The following DSCAM variants were observed in gnomAD, a reference collection of about 807,000 sequenced individuals.
DSCAM encodes DS cell adhesion molecule.
A neutral mutation model predicts 217.7 loss-of-function variants in DSCAM; 47 were observed. That is an observed-to-expected ratio of 0.22 (90% confidence interval 0.17 to 0.28). The LOEUF (loss-of-function observed/expected upper bound fraction) is 0.28. Among genes scored for constraint, DSCAM ranks in the 10% least tolerant of loss-of-function variants. The probability of loss-of-function intolerance (pLI) is 1.00; values close to 1 mark genes in which losing one functional copy is unlikely to be tolerated. For missense variants in DSCAM, 2,080 were observed against 2,618.3 expected (o/e 0.79, Z 4.49); for synonymous variants, 1,056 against 1,015.3 (o/e 1.04, Z -0.76).
At chr21:40,713,008 A>G (rs964412692) in intron 1 of DSCAM, among the ~76,000 whole-genome samples, 3 of 152,166 alleles carry the variant, frequency 2.0e-5, no homozygotes, top group African/African-American at 7.2e-5. Context: ...CCCCGATAAG[A>G]CCCTCTTTCT....
At chr21:40,240,402 T>TTCTAATG (rs2073136850) in intron 11 of DSCAM, among the ~76,000 whole-genome samples, 1 of 137,910 alleles carries the variant, frequency 7.3e-6, no homozygotes, top group Non-Finnish European at 1.6e-5. Context: ...ACTCTACCCA[T>TTCTAATG]TCTAATGTAT....
At position 40,312,281 on chromosome 21, in the gene DSCAM, G is replaced by A. The variant is rs778148335; in HGVS notation, c.1862C>T (p.Ser621Leu). ...QRVFIPCVVV[S>L]GDLPITITWQ... ...GGTGATCGTGATGGGTAAGTCCCCT[G>A]AGACCACAACACAGGGGATGAAGAC... is the stretch of plus-strand genomic sequence containing the variant. Residue 621 changes from serine (S) to leucine (L), a missense_variant, in exon 9 of 33, where the codon TCA becomes TTA. Transcript: ENST00000400454. 1.2e-6 allele frequency: 2 copies of A among 1,614,100 alleles called. No homozygotes were observed. Among genetic ancestry groups the A allele is most frequent in the South Asian group, 1.1e-5 (1 of 91,070 alleles).
chr21:40,374,821 C>T (rs2074933794), intron 3 of DSCAM, among the ~76,000 whole-genome samples: 1 of 152,142 alleles, frequency 6.6e-6, no homozygotes, highest in African/African-American at 2.4e-5. Context: ...GAAGGGAGCC[C>T]CCATCAGGCA....
chr21:40,614,194 T>C (rs1180836582), intron 3 of DSCAM, among the ~76,000 whole-genome samples: 1 of 152,274 alleles, frequency 6.6e-6, no homozygotes. Context: ...GATGCAGTCA[T>C]GGAAGTCATG....
chr21:40,399,143 G>A (rs528071724), intron 3 of DSCAM, among the ~76,000 whole-genome samples: 1 of 152,262 alleles, frequency 6.6e-6, no homozygotes, highest in East Asian at 1.9e-4. Context: ...GATGGCACAT[G>A]CCTGTGGTCT....
intron 3 of DSCAM, among the ~76,000 whole-genome samples, chr21:40,595,885 C>T (rs1442945725): frequency 1.3e-5 from 2 of 152,300 alleles, no homozygotes; most frequent in African/African-American, 2.4e-5. Context: ...CTGAATGAGA[C>T]GAAGTATCCT....
intron 3 of DSCAM, among the ~76,000 whole-genome samples, chr21:40,411,171 TATATACACACAC>T (rs2075319377): frequency 3.0e-5 from 1 of 33,404 alleles, no homozygotes; most frequent in Admixed American, 3.9e-4. Flanking sequence ...AGACAGTAAT[TATATACACACAC>T]ACACACACAC....
At position 40,062,901 on chromosome 21, in the gene DSCAM, T is replaced by TG. The variant is rs2146520204; in HGVS notation, c.4889-3dup. ...GCATTTCAGCTAAACTCTTTGCATC[T>TG]GGGGAAAGAAAGTTAACATTAGTAC... On this transcript the variant is annotated splice_region_variant and splice_polypyrimidine_tract_variant and intron_variant, in intron 27 of 32. Coordinates refer to ENST00000400454, the MANE Select transcript of DSCAM (RefSeq NM_001389.5). The TG allele has an allele frequency of 6.3e-7, 1 of 1,598,844 alleles. No homozygotes were observed. Among genetic ancestry groups the TG allele is most frequent in the East Asian group, 2.3e-5 (1 of 43,784 alleles).
intron 3 of DSCAM, among the ~76,000 whole-genome samples, chr21:40,608,332 C>G (rs956632996): frequency 6.6e-6 from 1 of 151,972 alleles, no homozygotes; most frequent in Non-Finnish European, 1.5e-5. Context: ...AGCAAAATAT[C>G]CTGTGATTAT....
intron 3 of DSCAM, among the ~76,000 whole-genome samples, chr21:40,488,275 G>A (rs1041065204): frequency 2.6e-5 from 4 of 152,168 alleles, no homozygotes; most frequent in East Asian, 1.9e-4. Flanking sequence ...TTCTGCTTCC[G>A]CAGCAAGGGC....
intron 2 of DSCAM, among the ~76,000 whole-genome samples, chr21:40,696,476 T>C (rs375297853): frequency 1.4e-4 from 21 of 152,270 alleles, no homozygotes; most frequent in African/African-American, 4.3e-4. Context: ...GATCCCCTGT[T>C]GTAGCTGTCT....
chr21:40,133,940 G>T lies in DSCAM; in HGVS notation c.3476C>A (p.Thr1159Asn). Reference sequence around the variant, plus strand: ...GGCCAGCACCTGGATGCTGTAGTTGGTGTACTTTTCCAGCCCGTCCAGCTC... The same window carrying T: ...GGCCAGCACCTGGATGCTGTAGTTGTTGTACTTTTCCAGCCCGTCCAGCTC... ...SLELDGLEKY[T>N]NYSIQVLAFT... is the part of the protein sequence containing the mutation. The change falls in exon 19 of 33, where the codon ACC becomes AAC. Residue 1159 changes from threonine to asparagine, a missense_variant. Thr to Asn is a moderately conservative substitution (Grantham distance 65, BLOSUM62 0). Coordinates refer to ENST00000400454, the MANE Select transcript of DSCAM (RefSeq NM_001389.5). 1 of 1,613,508 alleles carries T rather than the reference G, an allele frequency of 6.2e-7. No individual in the cohort carries two copies. The highest frequency in any genetic ancestry group is 8.5e-7 in the Non-Finnish European group (1 of 1,179,754).
chr21:40,458,216 C>G (rs919256676), intron 3 of DSCAM, among the ~76,000 whole-genome samples: 1 of 152,076 alleles, frequency 6.6e-6, no homozygotes, highest in Non-Finnish European at 1.5e-5. Flanking sequence ...GACCTTCCTT[C>G]CCAGCAACTG....
chr21:40,306,629 T>C (rs978504717), intron 9 of DSCAM, among the ~76,000 whole-genome samples: 2 of 151,416 alleles, frequency 1.3e-5, no homozygotes, highest in African/African-American at 2.4e-5. Context: ...CAATACCTAA[T>C]TTATTGAGAG....
chr21:40,714,188 G>A lies in DSCAM; in HGVS notation c.44-5417C>T, dbSNP rs143206708. Among the ~76,000 whole-genome samples, 777 of 152,260 alleles carry A rather than the reference G, an allele frequency of 5.1e-3. 12 individuals are homozygous for A. Among genetic ancestry groups the A allele is most frequent in the African/African-American group, 0.017 (712 of 41,548 alleles). On this transcript the variant is annotated intron_variant, in intron 1 of 32. Coordinates refer to ENST00000400454, the MANE Select transcript of DSCAM (RefSeq NM_001389.5). ...CGGCACAAAGAGTCCCCATTAGGGC[G>A]GTGCTGAGACGAATTAATGGGCCAG...
chr21:40,230,839 G>T (rs2091374677), intron 11 of DSCAM, among the ~76,000 whole-genome samples: 1 of 151,960 alleles, frequency 6.6e-6, no homozygotes, highest in Non-Finnish European at 1.5e-5. Flanking sequence ...CCATACTTAT[G>T]ATTAAATCTC....
At chr21:40,162,671 C>A (rs911995109) in intron 16 of DSCAM, among the ~76,000 whole-genome samples, 1 of 152,154 alleles carries the variant, frequency 6.6e-6, no homozygotes, top group Non-Finnish European at 1.5e-5. Context: ...TTAATTAAAT[C>A]TCTGAATATT....
At chr21:40,193,565 A>T (rs7279439) in intron 11 of DSCAM, among the ~76,000 whole-genome samples, 8,890 of 151,874 alleles carry the variant, frequency 0.059, 613 homozygotes, top group African/African-American at 0.17. Context: ...ACTACCATCA[A>T]CCCCCACGCC....
At chr21:40,735,969 A>G (rs2146533708) in intron 1 of DSCAM, among the ~76,000 whole-genome samples, 1 of 152,226 alleles carries the variant, frequency 6.6e-6, no homozygotes, top group African/African-American at 2.4e-5. Context: ...AGGTGCAAGT[A>G]GCTCATCCCC....
Sources: gnomAD v4.1 joint callset for allele counts (sites outside exome capture counted in the v4.1 genomes callset) on GRCh38, gnomAD v4.1.1 for gene constraint, MANE v1.5 for transcripts, NCBI Gene and HGNC (gene_info 2026-07-23, HGNC 2026-07-21) for gene names.